TYMP: variants seen among roughly 807,000 people sequenced by gnomAD.
The protein encoded by TYMP is thymidine phosphorylase, also known as gliostatin.
Under a neutral mutation model 42.3 loss-of-function variants are expected in TYMP, and 46 were observed. The observed-to-expected ratio is 1.09, with a 90% CI of 0.86 to 1.39. The LOEUF (loss-of-function observed/expected upper bound fraction) is 1.39, where lower values mean the gene tolerates loss of function less well. Ranked by LOEUF, TYMP falls within the 40% of genes most tolerant of loss-of-function variation. The pLI is 0.00. For synonymous variants in TYMP, 363 were observed against 308.0 expected (o/e 1.18, Z -1.87); for missense variants, 837 against 677.6 (o/e 1.24, Z -2.61).
chr22:50,529,758 CCGGCGT>C, intron 1 of TYMP, 39 bp from the exon 2 acceptor site: 5 of 1,556,214 alleles, frequency 3.2e-6, no homozygotes, highest in Non-Finnish European at 4.4e-6. Flanking sequence ...CTGCGGCCTC[CCGGCGT>C]CGGTGTCTGA....
In TYMP at chr22:50,526,152, A is replaced by T; in HGVS notation, c.1160-11T>A. 1 of 1,471,328 alleles carries T rather than the reference A, an allele frequency of 6.8e-7. No individual in the cohort carries two copies. Among genetic ancestry groups the T allele is most frequent in the Non-Finnish European group, 9.0e-7 (1 of 1,116,610 alleles). 91.1% of individuals were successfully genotyped at this position (1,471,328 alleles called of 1,614,324 possible). A position where few individuals can be genotyped will look rare whatever the true frequency, so the allele number is the denominator to read the frequency against. ...CCAGCTCCACGGTGCCTGCGGGGAGAGGGGCTGAGAGGCGCGGGCTCGGGA... is the reference window on the plus strand; with the variant it reads ...CCAGCTCCACGGTGCCTGCGGGGAGTGGGGCTGAGAGGCGCGGGCTCGGGA... On this transcript the variant is annotated splice_polypyrimidine_tract_variant and intron_variant, in intron 8 of 9. Transcript: ENST00000252029.
rs1412008628 is a variant in TYMP, at chr22:50,526,426, C to A, written c.979G>T (p.Ala327Ser). ...TCCAGCGCCGCGGCCACCCGGGCAG[C>A]GCCCTGGGCCTGAGTCCCCGCGTGT... ...SGHAGTQAQG[A>S]ARVAAALDDG... The change falls in exon 8 of 10, where the codon GCT (alanine) becomes TCT (serine). Residue 327 changes from alanine to serine, a missense_variant. Physicochemically the swap from Ala to Ser is moderately conservative, Grantham distance 99. Transcript: ENST00000252029. The A allele has an allele frequency of 2.7e-6, 4 of 1,503,644 alleles. No individual in the cohort carries two copies. The highest frequency in any genetic ancestry group is 2.1e-5 in the Admixed American group (1 of 46,768). The allele number at this position is 1,503,644 out of a possible 1,614,324, so 93.1% of individuals were successfully genotyped here.
intron 5 of TYMP, 96 bp from the exon 6 acceptor site, chr22:50,527,379 A>G (rs1046502144): frequency 2.4e-6 from 3 of 1,274,594 alleles, no homozygotes; most frequent in Non-Finnish European, 3.4e-6. Context: ...GGCCCTGAGC[A>G]TTGAGGGTCA....
At chr22:50,527,821 C>CTGGA (rs2069452529) in intron 4 of TYMP, 104 bp from the exon 5 acceptor site, 3 of 1,474,510 alleles carry the variant, frequency 2.0e-6, no homozygotes, top group Non-Finnish European at 2.8e-6. Flanking sequence ...GTTGCCCAGG[C>CTGGA]TGGAGTGCAG....
At chr22:50,527,770 T>C in intron 4 of TYMP, 53 bp from the exon 5 acceptor site, 1 of 52,320 alleles carries the variant, frequency 1.9e-5, no homozygotes, top group Non-Finnish European at 2.7e-5. Context: ...CTTAGCAGCT[T>C]TTTTTTTTTT....
chr22:50,528,656 A>C, intron 3 of TYMP, 46 bp from the exon 4 acceptor site: 1 of 1,431,434 alleles, frequency 7.0e-7, no homozygotes, highest in Non-Finnish European at 9.8e-7. Context: ...CCCCTCCCCC[A>C]CCTCTGTGCA....
chr22:50,527,868 TG>T, intron 4 of TYMP, 151 bp from the exon 5 acceptor site: 1 of 880,026 alleles, frequency 1.1e-6, no homozygotes. Context: ...CTCTGCCTCC[TG>T]GGCTTAAGTG....
chr22:50,529,574 C>G lies in TYMP; in HGVS notation c.136G>C (p.Gly46Arg). Reference protein sequence around the residue: ...LPELIRMKRDGGRLSEADIRG... With the variant: ...LPELIRMKRDRGRLSEADIRG... The stretch of plus-strand genomic sequence containing the variant: ...ATGTCCGCTTCGCTCAGGCGGCCTC[C>G]GTCTCGCTTCATGCGGATCAGCTCC... The change falls in exon 2 of 10, where the codon GGA becomes CGA. Residue 46 changes from glycine (G) to arginine (R), a missense_variant. Physicochemically the swap from Gly to Arg is moderately radical, Grantham distance 125. Coordinates refer to ENST00000252029, the MANE Select transcript of TYMP (RefSeq NM_001953.5). 1 of 1,613,166 alleles carries G rather than the reference C, an allele frequency of 6.2e-7. No individual in the cohort carries two copies. The highest frequency in any genetic ancestry group is 1.1e-5 in the South Asian group (1 of 91,088).
chr22:50,526,238 A>G lies in TYMP; in HGVS notation c.1159+8T>C. ...AGGCGGAAGGACGGGGACTCCCCCGACGCTCACCATCTGCGGGCGCCAGCA... is the reference window on the plus strand; with the variant it reads ...AGGCGGAAGGACGGGGACTCCCCCGGCGCTCACCATCTGCGGGCGCCAGCA... On this transcript the variant is annotated splice_region_variant and intron_variant, in intron 8 of 9. Coordinates refer to ENST00000252029, the MANE Select transcript of TYMP (RefSeq NM_001953.5). 1.3e-6 allele frequency: 2 copies of G among 1,533,118 alleles called. No individual in the cohort carries two copies. The highest frequency in any genetic ancestry group is 1.2e-5 in the South Asian group (1 of 83,448). 95.0% of individuals were successfully genotyped at this position (1,533,118 alleles called of 1,614,324 possible). A position where few individuals can be genotyped will look rare whatever the true frequency, so the allele number is the denominator to read the frequency against.
rs756333191 is a variant in TYMP at position 50,529,545 on chromosome 22, C to G, written c.165G>C (p.Arg55Ser). The G allele has an allele frequency of 1.2e-6, 2 of 1,613,176 alleles. No individual in the cohort carries two copies. The highest frequency in any genetic ancestry group is 4.5e-5 in the East Asian group (2 of 44,882). The change falls in exon 2 of 10, where the codon AGG becomes AGC. Residue 55 changes from arginine (R) to serine (S), a missense_variant. Arg to Ser is a moderately radical substitution (Grantham distance 110, BLOSUM62 -1). Coordinates refer to ENST00000252029, the MANE Select transcript of TYMP (RefSeq NM_001953.5). ...DGGRLSEADI[R>S]GFVAAVVNGS... ...CATTCACCACAGCGGCCACGAAGCC[C>G]CTGATGTCCGCTTCGCTCAGGCGGC...
intron 4 of TYMP, chr22:50,528,134 C>T (rs1447212245): frequency 2.6e-6 from 1 of 385,878 alleles, no homozygotes; most frequent in African/African-American, 2.1e-5. Flanking sequence ...GCCTCAGCCT[C>T]CTGAGTAGCT....
intron 6 of TYMP, 103 bp downstream of exon 6, chr22:50,527,055 TGGGGTTA>T: frequency 2.2e-6 from 2 of 906,000 alleles, no homozygotes; most frequent in Non-Finnish European, 3.7e-6. Context: ...AGGGTGGGAC[TGGGGTTA>T]GGCAGGACTG....
In TYMP at chr22:50,526,061, G is replaced by T. The variant is rs2148676922; in HGVS notation, c.1240C>A (p.Pro414Thr). The stretch of plus-strand genomic sequence containing the variant: ...TCTGCGCCCACCCCCAGGCGGAGCG[G>T]CTCCCCAGCGCGGCTGCGCCCGGCC... ...LGAGRSRAGE[P>T]LRLGVGAELL... The change falls in exon 9 of 10, where the codon CCG (proline) becomes ACG (threonine). Residue 414 changes from proline to threonine, a missense_variant. Coordinates refer to ENST00000252029, the MANE Select transcript of TYMP (RefSeq NM_001953.5). 6.7e-7 allele frequency: 1 copy of T among 1,482,460 alleles called. No homozygotes were observed. Among genetic ancestry groups the T allele is most frequent in the East Asian group, 2.9e-5 (1 of 34,588 alleles). 91.8% of individuals were successfully genotyped at this position (1,482,460 alleles called of 1,614,324 possible).
At chr22:50,526,827 G>T in intron 6 of TYMP, 89 bp from the exon 7 acceptor site, 1 of 1,370,180 alleles carries the variant, frequency 7.3e-7, no homozygotes, top group Non-Finnish European at 9.9e-7. Context: ...CTGCACCCTG[G>T]GTTGCCAGCC....
At position 50,526,336 on chromosome 22, in the gene TYMP, C is replaced by G. The variant is rs1219597248; in HGVS notation, c.1069G>C (p.Ala357Pro). The change falls in exon 8 of 10, where the codon GCC (alanine) becomes CCC (proline). Residue 357 changes from alanine (A) to proline (P), a missense_variant. Coordinates refer to ENST00000252029, the MANE Select transcript of TYMP (RefSeq NM_001953.5). ...LAAQGVDPGL[A>P]RALCSGSPAE... Reference sequence around the variant, plus strand: ...GGACTTCCCGAGCACAGGGCTCGGGCCAGACCGGGATCCACGCCCTGCGCC... The same window carrying G: ...GGACTTCCCGAGCACAGGGCTCGGGGCAGACCGGGATCCACGCCCTGCGCC... 2 of 1,561,174 alleles carry G rather than the reference C, an allele frequency of 1.3e-6. No homozygotes were observed. Among genetic ancestry groups the G allele is most frequent in the Non-Finnish European group, 1.7e-6 (2 of 1,164,574 alleles).
Position 50,526,491 on chromosome 22 carries a change from G to C in TYMP, c.929-15C>G, listed in dbSNP as rs1467946188. 3.3e-6 allele frequency: 5 copies of C among 1,501,366 alleles called. No individual in the cohort carries two copies. The highest frequency in any genetic ancestry group is 4.4e-6 in the Non-Finnish European group (5 of 1,131,172). 93.0% of individuals were successfully genotyped at this position (1,501,366 alleles called of 1,614,324 possible). A position where few individuals can be genotyped will look rare whatever the true frequency, so the allele number is the denominator to read the frequency against. ...CAGGGCGCCCCCTGCGGGCGGGGAC[G>C]GGTCTTAGGCGCGGCCGGGTCGGGG... On this transcript the variant is annotated splice_polypyrimidine_tract_variant and intron_variant, in intron 7 of 9. Coordinates refer to ENST00000252029, the MANE Select transcript of TYMP (RefSeq NM_001953.5).
intron 3 of TYMP, chr22:50,528,894 G>A: frequency 1.6e-6 from 1 of 619,680 alleles, no homozygotes. Context: ...GGGGAAAGGG[G>A]TCTGAATTCC....
In TYMP at chr22:50,525,985, C is replaced by T. The variant is rs1372684868; in HGVS notation, c.1300+16G>A. 4.3e-6 allele frequency: 6 copies of T among 1,396,590 alleles called. No individual in the cohort carries two copies. In the South Asian group the frequency reaches 7.8e-5, roughly 18 times the overall value. The allele number at this position is 1,396,590 out of a possible 1,614,324, so 86.5% of individuals were successfully genotyped here. ...GGGCGGGGGTGCGGGGCCAGCAGGGCGGGGGCGGCGCTCACCACGGCGCAG... is the reference window on the plus strand; with the variant it reads ...GGGCGGGGGTGCGGGGCCAGCAGGGTGGGGGCGGCGCTCACCACGGCGCAG... On this transcript the variant is annotated intron_variant, in intron 9 of 9. Coordinates refer to ENST00000252029, the MANE Select transcript of TYMP (RefSeq NM_001953.5).
chr22:50,526,201 A>AG, intron 8 of TYMP, 45 bp downstream of exon 8: 1 of 1,486,556 alleles, frequency 6.7e-7, no homozygotes, highest in Non-Finnish European at 8.9e-7. Context: ...CGGGAAGGGA[A>AG]GGGGATGGCG....
Sources: allele counts gnomAD v4.1 joint callset, GRCh38; gene constraint gnomAD v4.1.1; transcripts MANE v1.5; gene names NCBI Gene and HGNC (gene_info 2026-07-23, HGNC 2026-07-21).